Variants in SUGCT observed in about 807,000 individuals in gnomAD.
The protein encoded by SUGCT is succinyl-CoA:glutarate CoA-transferase.
In SUGCT, 41 loss-of-function variants were observed where a neutral mutation model predicts 55.0. The ratio of observed to expected loss-of-function variants is 0.74; its 90% CI spans 0.58 to 0.97. The LOEUF (loss-of-function observed/expected upper bound fraction) is 0.97, where lower values mean the gene tolerates loss of function less well. SUGCT is among the 50% of genes least tolerant of loss of function. The pLI is 0.00. For synonymous variants in SUGCT, 187 were observed against 200.4 expected (o/e 0.93, Z 0.56); for missense variants, 568 against 547.8 (o/e 1.04, Z -0.37).
intron 12 of SUGCT, among the ~76,000 whole-genome samples, chr7:40,616,016 G>T (rs1328068190): frequency 6.6e-6 from 1 of 152,010 alleles, no homozygotes; most frequent in Non-Finnish European, 1.5e-5. Flanking sequence ...TTCCCTCAGA[G>T]GTCTCTATAT....
At chr7:40,235,622 C>T (rs997887064) in intron 6 of SUGCT, among the ~76,000 whole-genome samples, 5 of 152,146 alleles carry the variant, frequency 3.3e-5, no homozygotes, top group African/African-American at 1.2e-4. Flanking sequence ...CCACCGCATC[C>T]AGCCAAAAAA....
At chr7:40,137,140 A>C (rs1787741432) in intron 1 of SUGCT, among the ~76,000 whole-genome samples, 2 of 151,986 alleles carry the variant, frequency 1.3e-5, no homozygotes, top group African/African-American at 2.4e-5. Flanking sequence ...TATTATTATT[A>C]TGGACATGGG....
intron 9 of SUGCT, among the ~76,000 whole-genome samples, chr7:40,319,372 A>G (rs1324542763): frequency 2.6e-5 from 4 of 152,170 alleles, no homozygotes; most frequent in Non-Finnish European, 5.9e-5. Flanking sequence ...TTCAATTTTA[A>G]AAATAGATTG....
rs192318773 is a variant in SUGCT, at chr7:40,527,373, G to A, written c.1089+30987G>A. 5.1e-4 allele frequency among the ~76,000 whole-genome samples: 78 copies of A among 152,250 alleles called. No homozygotes were observed. In the Middle Eastern group the frequency reaches 0.01, roughly 20 times the overall value. On this transcript the variant is annotated intron_variant, in intron 12 of 13. Transcript: ENST00000335693. ...AACTCTTTCAATCAGTTCCAAATCT[G>A]GCAACTCTCTTGTTGCATTAGATTC...
chr7:40,270,728 A>C (rs1215026661), intron 7 of SUGCT, among the ~76,000 whole-genome samples: 1 of 152,140 alleles, frequency 6.6e-6, no homozygotes, highest in Non-Finnish European at 1.5e-5. Context: ...TTATTTCTGC[A>C]AAAAAGGTAT....
chr7:40,832,343 C>A (rs968233148), intron 13 of SUGCT, among the ~76,000 whole-genome samples: 1 of 152,126 alleles, frequency 6.6e-6, no homozygotes, highest in Non-Finnish European at 1.5e-5. Context: ...TTGTGAGTAT[C>A]ATCTAATATC....
At chr7:40,473,965 TTC>T (rs145297020) in intron 11 of SUGCT, among the ~76,000 whole-genome samples, 8 of 150,230 alleles carry the variant, frequency 5.3e-5, no homozygotes, top group Admixed American at 1.3e-4. Context: ...CCATTTCCCC[TTC>T]TCTCTCTCTC....
At chr7:40,554,525 T>G (rs187360056) in intron 12 of SUGCT, among the ~76,000 whole-genome samples, 6 of 152,240 alleles carry the variant, frequency 3.9e-5, no homozygotes, top group Non-Finnish European at 5.9e-5. Context: ...AGCTTCTCTG[T>G]ACTATGTTTT....
chr7:40,764,931 A>G (rs1788705126), intron 13 of SUGCT, among the ~76,000 whole-genome samples: 1 of 152,116 alleles, frequency 6.6e-6, no homozygotes, highest in African/African-American at 2.4e-5. Context: ...TTTCTCTAGT[A>G]TTCCAATCCT....
chr7:40,847,953 T>G (rs1174375591), intron 13 of SUGCT, among the ~76,000 whole-genome samples: 1 of 152,138 alleles, frequency 6.6e-6, no homozygotes, highest in Non-Finnish European at 1.5e-5. Context: ...CCCCACAAGG[T>G]AAAAGGCCTT....
intron 12 of SUGCT, among the ~76,000 whole-genome samples, chr7:40,737,953 A>G (rs115615211): frequency 0.032 from 4,910 of 151,906 alleles, 253 homozygotes; most frequent in African/African-American, 0.11. Flanking sequence ...GGCCGGGCGC[A>G]GAGGCTCATG....
the SUGCT span, among the ~76,000 whole-genome samples, chr7:41,015,246 T>C: frequency 5.9e-5 from 9 of 152,170 alleles, no homozygotes; most frequent in Admixed American, 5.9e-4. Flanking sequence ...TGGGGACACT[T>C]GGTATTTACT....
chr7:40,659,163 A>T (rs958892050), intron 12 of SUGCT, among the ~76,000 whole-genome samples: 1 of 152,162 alleles, frequency 6.6e-6, no homozygotes, highest in African/African-American at 2.4e-5. Context: ...TCCCAAAATT[A>T]TGCTTAACCG....
At chr7:40,812,142 C>T (rs926008951) in intron 13 of SUGCT, among the ~76,000 whole-genome samples, 2 of 152,004 alleles carry the variant, frequency 1.3e-5, no homozygotes, top group Non-Finnish European at 2.9e-5. Context: ...TTTTTTGTGT[C>T]CTGTTGGATC....
At chr7:40,516,894 T>C (rs1040410859) in intron 12 of SUGCT, among the ~76,000 whole-genome samples, 2 of 152,122 alleles carry the variant, frequency 1.3e-5, no homozygotes, top group East Asian at 1.9e-4. Context: ...AGGAATTGCA[T>C]TGAATATGCA....
chr7:40,371,156 T>A (rs1446341228), intron 9 of SUGCT, among the ~76,000 whole-genome samples: 1 of 152,186 alleles, frequency 6.6e-6, no homozygotes, highest in Admixed American at 6.6e-5. Flanking sequence ...CATCTGTTTC[T>A]TACCCAATTT....
intron 1 of SUGCT, among the ~76,000 whole-genome samples, chr7:40,166,241 T>A (rs1784419157): frequency 6.6e-6 from 1 of 152,218 alleles, no homozygotes; most frequent in Non-Finnish European, 1.5e-5. Flanking sequence ...GACAGGTGCT[T>A]CAGATGAGGA....
At chr7:40,631,785 A>G (rs1799800337) in intron 12 of SUGCT, among the ~76,000 whole-genome samples, 1 of 152,114 alleles carries the variant, frequency 6.6e-6, no homozygotes, top group African/African-American at 2.4e-5. Context: ...GTCTTTTCTC[A>G]TAGGACATAG....
intron 9 of SUGCT, among the ~76,000 whole-genome samples, chr7:40,389,813 A>G (rs905393213): frequency 2.0e-5 from 3 of 152,006 alleles, no homozygotes; most frequent in African/African-American, 7.2e-5. Context: ...TGCACAGGCT[A>G]TGGCAGAGAC....
Sources: gnomAD v4.1 joint callset for allele counts (sites outside exome capture counted in the v4.1 genomes callset) on GRCh38, gnomAD v4.1.1 for gene constraint, MANE v1.5 for transcripts, NCBI Gene and HGNC (gene_info 2026-07-23, HGNC 2026-07-21) for gene names.